Variants in ZMAT4 observed in about 807,000 individuals in gnomAD.
The protein encoded by ZMAT4 is zinc finger matrin-type protein 4.
ZMAT4 carries 17 observed loss-of-function variants against 28.7 expected under a neutral mutation model. The observed-to-expected ratio is 0.59, with a 90% CI of 0.41 to 0.89. The LOEUF (loss-of-function observed/expected upper bound fraction) is 0.89. Ranked by LOEUF, ZMAT4 falls within the 40% of genes least tolerant of loss-of-function variation. The pLI is 0.00. For missense variants in ZMAT4, 240 were observed against 283.8 expected (o/e 0.85, Z 1.11); for synonymous variants, 117 against 109.2 (o/e 1.07, Z -0.44).
intron 5 of ZMAT4, among the ~76,000 whole-genome samples, chr8:40,599,188 G>C (rs1805207709): frequency 6.6e-6 from 1 of 151,948 alleles, no homozygotes; most frequent in African/African-American, 2.4e-5. Flanking sequence ...CTAACACTCT[G>C]CCCTCCTATA....
chr8:40,569,252 A>G (rs562688307), intron 6 of ZMAT4, among the ~76,000 whole-genome samples: 1 of 152,242 alleles, frequency 6.6e-6, no homozygotes. Context: ...TTCTCTCCCT[A>G]CTTCCCCAGC....
chr8:40,700,532 C>T (rs1295892823), intron 3 of ZMAT4, among the ~76,000 whole-genome samples: 2 of 150,698 alleles, frequency 1.3e-5, no homozygotes, highest in African/African-American at 4.9e-5. Flanking sequence ...AATCCTTTCA[C>T]CTCAACCTCC....
chr8:40,686,558 C>G (rs1809416716), intron 4 of ZMAT4, among the ~76,000 whole-genome samples: 1 of 152,116 alleles, frequency 6.6e-6, no homozygotes, highest in South Asian at 2.1e-4. Context: ...CCTTTGACCC[C>G]AGGAAGCTGC....
intron 3 of ZMAT4, among the ~76,000 whole-genome samples, chr8:40,722,927 A>G (rs1157107671): frequency 6.6e-6 from 1 of 152,192 alleles, no homozygotes; most frequent in African/African-American, 2.4e-5. Flanking sequence ...AGAATGGCTC[A>G]TGTACAAGAA....
intron 6 of ZMAT4, among the ~76,000 whole-genome samples, chr8:40,560,955 C>A (rs1272819688): frequency 6.6e-6 from 1 of 152,090 alleles, no homozygotes; most frequent in Non-Finnish European, 1.5e-5. Flanking sequence ...AATCCTATTT[C>A]TTGTATATTA....
intron 2 of ZMAT4, among the ~76,000 whole-genome samples, chr8:40,809,238 T>G (rs1272457925): frequency 6.6e-6 from 1 of 152,104 alleles, no homozygotes; most frequent in Non-Finnish European, 1.5e-5. Flanking sequence ...CACTTATAAG[T>G]GGGAGCTAAA....
chr8:40,774,683 A>AATATAT (rs34285377), intron 2 of ZMAT4, among the ~76,000 whole-genome samples: 7 of 149,744 alleles, frequency 4.7e-5, no homozygotes, highest in Non-Finnish European at 5.9e-5. Context: ...ATGACATAGA[A>AATATAT]ATATATATAT....
chr8:40,755,324 A>G (rs1812634038), intron 3 of ZMAT4, among the ~76,000 whole-genome samples: 2 of 152,196 alleles, frequency 1.3e-5, no homozygotes. Context: ...GCCTTCTGGG[A>G]TATACCATCC....
chr8:40,664,630 C>A (rs1037967371), intron 5 of ZMAT4, among the ~76,000 whole-genome samples: 6 of 152,120 alleles, frequency 3.9e-5, no homozygotes, highest in Non-Finnish European at 2.9e-5. Flanking sequence ...GTCTCTGTTA[C>A]AATATTATGA....
At chr8:40,588,807 T>A (rs1343180955) in intron 5 of ZMAT4, among the ~76,000 whole-genome samples, 1 of 152,062 alleles carries the variant, frequency 6.6e-6, no homozygotes, top group Non-Finnish European at 1.5e-5. Flanking sequence ...AAGGAGCAAA[T>A]ACTTAGTGTT....
intron 3 of ZMAT4, among the ~76,000 whole-genome samples, chr8:40,744,106 A>C (rs973498724): frequency 6.6e-6 from 1 of 152,278 alleles, no homozygotes; most frequent in African/African-American, 2.4e-5. Context: ...GAATGAGATA[A>C]CACAGGCCTG....
intron 2 of ZMAT4, chr8:40,786,803 C>T: frequency 8.3e-7 from 1 of 1,199,666 alleles, no homozygotes; most frequent in Non-Finnish European, 1.1e-6. Context: ...TGGGAACAAA[C>T]AGACTGTGCT....
chr8:40,617,990 T>G (rs1045367897), intron 5 of ZMAT4, among the ~76,000 whole-genome samples: 3 of 152,208 alleles, frequency 2.0e-5, no homozygotes, highest in Non-Finnish European at 2.9e-5. Flanking sequence ...ATCGGACCAC[T>G]GGAATATTCT....
At chr8:40,803,243 A>G (rs1814929247) in intron 2 of ZMAT4, among the ~76,000 whole-genome samples, 1 of 152,188 alleles carries the variant, frequency 6.6e-6, no homozygotes, top group Non-Finnish European at 1.5e-5. Context: ...TAAAATTAAA[A>G]ATTTCTATTG....
intron 5 of ZMAT4, among the ~76,000 whole-genome samples, chr8:40,617,506 A>T (rs2118680129): frequency 6.6e-6 from 1 of 152,358 alleles, no homozygotes; most frequent in African/African-American, 2.4e-5. Context: ...TCTAAACATC[A>T]TCTTGGAATG....
intron 6 of ZMAT4, among the ~76,000 whole-genome samples, chr8:40,571,066 C>T (rs1029164314): frequency 7.2e-5 from 11 of 152,096 alleles, no homozygotes; most frequent in Non-Finnish European, 1.5e-4. Context: ...AATCATGACT[C>T]ATGCAAATTT....
At chr8:40,703,968 G>A (rs1006691262) in intron 3 of ZMAT4, among the ~76,000 whole-genome samples, 1 of 152,130 alleles carries the variant, frequency 6.6e-6, no homozygotes, top group Non-Finnish European at 1.5e-5. Context: ...TTGAGCACTG[G>A]CTAGACATTC....
At position 40,871,696 on chromosome 8, in the gene ZMAT4, G is replaced by A. The variant is rs1817863252; in HGVS notation, c.-5+25987C>T. On this transcript the variant is annotated intron_variant, in intron 1 of 6. Transcript: ENST00000297737. ...AATAAGACAACCCACCCGCTAGCTA[G>A]CCCAGGACAGCACTGAGGTGTGGAC... 2.0e-5 allele frequency among the ~76,000 whole-genome samples: 3 copies of A among 152,192 alleles called. No homozygotes were observed. The South Asian group carries it at 6.2e-4, about 31-fold the overall frequency.
chr8:40,773,170 A>G (rs748745746), intron 2 of ZMAT4, among the ~76,000 whole-genome samples: 1 of 152,204 alleles, frequency 6.6e-6, no homozygotes, highest in Non-Finnish European at 1.5e-5. Context: ...CAGGGGAAGA[A>G]CATTGGGCAC....
Sources: gnomAD v4.1 joint callset for allele counts (sites outside exome capture counted in the v4.1 genomes callset) on GRCh38, gnomAD v4.1.1 for gene constraint, MANE v1.5 for transcripts, NCBI Gene and HGNC (gene_info 2026-07-23, HGNC 2026-07-21) for gene names.